AKR1B1: variants seen among roughly 807,000 people sequenced by gnomAD.
AKR1B1 encodes aldo-keto reductase family 1 member B.
A neutral mutation model predicts 40.4 loss-of-function variants in AKR1B1; 22 were observed. That is an observed-to-expected ratio of 0.54 (90% CI 0.39 to 0.78). The LOEUF (loss-of-function observed/expected upper bound fraction) is 0.78. AKR1B1 is among the 30% of genes least tolerant of loss of function. AKR1B1 has a pLI of 0.00. For missense variants in AKR1B1, 357 were observed against 396.7 expected (o/e 0.90, Z 0.85); for synonymous variants, 157 against 149.9 (o/e 1.05, Z -0.35).
At chr7:134,457,223 T>C (rs1806498921) in intron 1 of AKR1B1, among the ~76,000 whole-genome samples, 1 of 152,148 alleles carries the variant, frequency 6.6e-6, no homozygotes, top group African/African-American at 2.4e-5. Flanking sequence ...TCTGGAGGTA[T>C]GACAATAATT....
At chr7:134,443,971 A>T (rs1806018818) in intron 9 of AKR1B1, among the ~76,000 whole-genome samples, 1 of 152,170 alleles carries the variant, frequency 6.6e-6, no homozygotes, top group Non-Finnish European at 1.5e-5. Context: ...AGAAGTTTCT[A>T]GCACAATACT....
chr7:134,442,963 T>C (rs1805983573), intron 9 of AKR1B1, among the ~76,000 whole-genome samples, 193 bp from the exon 10 acceptor site: 1 of 152,160 alleles, frequency 6.6e-6, no homozygotes, highest in Non-Finnish European at 1.5e-5. Context: ...CCTCTACCAC[T>C]ACTGTCATCA....
intron 9 of AKR1B1, chr7:134,444,953 G>A (rs2117446421): frequency 1.8e-6 from 1 of 542,750 alleles, no homozygotes; most frequent in South Asian, 2.1e-5. Context: ...CAGATGAACT[G>A]CTAGGATTTA....
chr7:134,448,458 TA>T lies in AKR1B1; in HGVS notation c.587del (p.Leu196Ter). ...TGCCTTTGGACTGGCAGTACTGGAT[TA>T]ACTTCTCCTGAGTGAGATATGGGTG... ...ECHPYLTQEK[L>X]IQYCQSKGIV... On this transcript the variant is annotated frameshift_variant, in exon 6 of 10. Transcript: ENST00000285930. LOFTEE classifies it high-confidence loss of function. 1 of 1,614,088 alleles carries T rather than the reference TA, an allele frequency of 6.2e-7. No individual in the cohort carries two copies. The highest frequency in any genetic ancestry group is 8.5e-7 in the Non-Finnish European group (1 of 1,179,964).
upstream of AKR1B1, chr7:134,459,192 T>C (rs1806597813): frequency 2.0e-5 from 24 of 1,198,346 alleles, no homozygotes; most frequent in Non-Finnish European, 2.9e-5. Context: ...AGGAGCCTTC[T>C]GATTGGTTGC....
intron 9 of AKR1B1, chr7:134,444,690 G>A (rs1463001725): frequency 6.0e-6 from 1 of 166,424 alleles, no homozygotes; most frequent in Non-Finnish European, 1.3e-5. Context: ...ACCTTCCTAG[G>A]CAGCTCCTTC....
intron 9 of AKR1B1, among the ~76,000 whole-genome samples, chr7:134,444,087 A>AAG (rs1806023094): frequency 6.6e-6 from 1 of 152,172 alleles, no homozygotes; most frequent in African/African-American, 2.4e-5. Flanking sequence ...GGGGAAAAGG[A>AAG]AGACGGATGA....
chr7:134,449,105 C>A lies in AKR1B1; in HGVS notation c.444G>T (p.Leu148=). 1 of 1,613,804 alleles carries A rather than the reference C, an allele frequency of 6.2e-7. No individual in the cohort carries two copies. The highest frequency in any genetic ancestry group is 1.7e-4 in the Middle Eastern group (1 of 5,818). Residue 148 remains leucine, a synonymous_variant, in exon 5 of 10, where the codon CTG becomes CTT. Coordinates refer to ENST00000285930, the MANE Select transcript of AKR1B1 (RefSeq NM_001628.4). The part of the protein sequence containing the change: ...ILDTWAAMEE[L]VDEGLVKAIG... ...TAGCTTTCACCAGCCCTTCATCCAC[C>A]AGCTCTTCCATGGCCTACAGAGAAA... is the stretch of plus-strand genomic sequence containing the variant.
chr7:134,457,204 A>G (rs11974100), intron 1 of AKR1B1, among the ~76,000 whole-genome samples: 6,200 of 152,262 alleles, frequency 0.041, 267 homozygotes, highest in East Asian at 0.14. Context: ...ATGGGTCACA[A>G]AACTAGCTTC....
At chr7:134,458,416 T>A (rs532646682) in intron 1 of AKR1B1, among the ~76,000 whole-genome samples, 112 of 152,258 alleles carry the variant, frequency 7.4e-4, no homozygotes, top group South Asian at 1.4e-3. Flanking sequence ...AACAGCTGGG[T>A]CCGGGCAAAC....
At position 134,449,939 on chromosome 7, in the gene AKR1B1, T is replaced by G. The variant is rs1461810012; in HGVS notation, c.352-142A>C. ...TCTGTGTGCCACTATGAAAAGGAAA[T>G]AGGCAGATAGCCAACACTTCTTTAT... On this transcript the variant is annotated intron_variant, in intron 3 of 9. Transcript: ENST00000285930. 4 of 746,850 alleles carry G rather than the reference T, an allele frequency of 5.4e-6. No individual in the cohort carries two copies. In the Admixed American group the frequency reaches 5.8e-5, roughly 11 times the overall value. 46.3% of individuals were successfully genotyped at this position (746,850 alleles called of 1,614,324 possible).
rs187595890 is a variant in AKR1B1 at position 134,458,728 on chromosome 7, G to C, written c.66+269C>G. On this transcript the variant is annotated intron_variant, in intron 1 of 9. Coordinates refer to ENST00000285930, the MANE Select transcript of AKR1B1 (RefSeq NM_001628.4). ...GTGGGCCGCCCATCAAGGGTTGCCC[G>C]CGGTAGGGCGGGGGCTCCCGTGAGC... Among the ~76,000 whole-genome samples the C allele has an allele frequency of 1.7e-3, 258 of 152,242 alleles. 1 individual carries two copies. Among genetic ancestry groups the C allele is most frequent in the Middle Eastern group, 3.4e-3 (1 of 294 alleles).
chr7:134,456,338 T>C (rs1489888142), intron 1 of AKR1B1, among the ~76,000 whole-genome samples: 1 of 152,064 alleles, frequency 6.6e-6, no homozygotes, highest in African/African-American at 2.4e-5. Flanking sequence ...TAGCTGGGAC[T>C]ACAGGTGCGT....
chr7:134,445,731 C>T (rs1345847841), intron 8 of AKR1B1, among the ~76,000 whole-genome samples: 1 of 152,206 alleles, frequency 6.6e-6, no homozygotes, highest in Non-Finnish European at 1.5e-5. Flanking sequence ...CACTCAACAG[C>T]ACAGGAAGGG....
chr7:134,445,141 A>G (rs1585707391), intron 9 of AKR1B1, 97 bp downstream of exon 9: 1 of 1,074,882 alleles, frequency 9.3e-7, no homozygotes, highest in Non-Finnish European at 1.4e-6. Context: ...AGCTGTGACG[A>G]GAGCACATTG....
At chr7:134,449,237 C>G in intron 4 of AKR1B1, 118 bp from the exon 5 acceptor site, 1 of 1,416,408 alleles carries the variant, frequency 7.1e-7, no homozygotes, top group Admixed American at 1.7e-5. Context: ...GTGAATTAGA[C>G]CTTTCAGAAG....
intron 7 of AKR1B1, chr7:134,447,657 A>C (rs1806145620): frequency 1.6e-6 from 1 of 615,806 alleles, no homozygotes; most frequent in Non-Finnish European, 2.9e-6. Context: ...CTAGAAATGC[A>C]CACTACCACT....
Position 134,451,653 on chromosome 7 carries a change from C to G in AKR1B1, c.167G>C (p.Gly56Ala), listed in dbSNP as rs553878004. The change falls in exon 2 of 10, where the codon GGG (glycine) becomes GCG (alanine). Residue 56 changes from glycine (G) to alanine (A), a missense_variant. Coordinates refer to ENST00000285930, the MANE Select transcript of AKR1B1 (RefSeq NM_001628.4). ...CCTGAGCTTCTCCTGAATGGCCACC[C>G]CCACCTCATTCTCATTCTGGTACAC... ...AHVYQNENEVGVAIQEKLREQ... is the reference protein window; with the variant it reads ...AHVYQNENEVAVAIQEKLREQ... The G allele has an allele frequency of 6.2e-7, 1 of 1,614,158 alleles. No homozygotes were observed. The highest frequency in any genetic ancestry group is 1.7e-5 in the Admixed American group (1 of 60,026).
intron 4 of AKR1B1, 38 bp from the exon 5 acceptor site, chr7:134,449,157 C>A (rs1202446880): frequency 1.2e-6 from 2 of 1,611,504 alleles, no homozygotes; most frequent in South Asian, 1.1e-5. Context: ...AGAAACGAAC[C>A]CAGAAAGGAC....
Sources: gnomAD v4.1 joint callset for allele counts (sites outside exome capture counted in the v4.1 genomes callset) on GRCh38, gnomAD v4.1.1 for gene constraint, MANE v1.5 for transcripts, NCBI Gene and HGNC (gene_info 2026-07-23, HGNC 2026-07-21) for gene names.